Variants in INTS1 observed in about 807,000 individuals in gnomAD.
INTS1 encodes integrator complex subunit 1.
Under a neutral mutation model 241.6 loss-of-function variants are expected in INTS1, and 137 were observed. The ratio of observed to expected loss-of-function variants is 0.57; its 90% confidence interval spans 0.49 to 0.65. The LOEUF is 0.65. INTS1 is among the 30% of genes least tolerant of loss of function. The pLI is 0.00. For synonymous variants in INTS1, 1,692 were observed against 1,337.8 expected (o/e 1.26, Z -5.78); for missense variants, 3,073 against 3,032.2 (o/e 1.01, Z -0.32).
At chr7:1,492,734 G>T (rs78340654) in intron 16 of INTS1, among the ~76,000 whole-genome samples, 1 of 151,802 alleles carries the variant, frequency 6.6e-6, no homozygotes, top group South Asian at 2.1e-4. Context: ...CCCAGGTAAC[G>T]GTTGGACTCG....
At chr7:1,483,675 T>C (rs771184780) in intron 26 of INTS1, 67 bp downstream of exon 26, 2 of 1,237,656 alleles carry the variant, frequency 1.6e-6, no homozygotes, top group Non-Finnish European at 2.4e-6. Context: ...CGGAAGCCGC[T>C]GGGTGTGGTC....
chr7:1,485,045 C>T, intron 24 of INTS1, 53 bp downstream of exon 24: 1 of 930,062 alleles, frequency 1.1e-6, no homozygotes, highest in Non-Finnish European at 1.6e-6. Context: ...ACACTGCCGG[C>T]TGGCCCCGTC....
At chr7:1,496,728 T>G (rs1782880137) in intron 11 of INTS1, among the ~76,000 whole-genome samples, 1 of 152,126 alleles carries the variant, frequency 6.6e-6, no homozygotes, top group African/African-American at 2.4e-5. Flanking sequence ...GCAGGCTGGC[T>G]GCGAGTTGGC....
intron 40 of INTS1, 46 bp downstream of exon 40, chr7:1,474,659 C>G (rs774269790): frequency 1.3e-6 from 2 of 1,528,536 alleles, no homozygotes; most frequent in Admixed American, 2.0e-5. Flanking sequence ...GCAGACCCCC[C>G]TGGTTAAACC....
rs1420805929 is a variant in INTS1, at chr7:1,497,429, C to T, written c.1426-115G>A. 7 of 1,132,910 alleles carry T rather than the reference C, an allele frequency of 6.2e-6. No individual in the cohort carries two copies. Among genetic ancestry groups the T allele is most frequent in the East Asian group, 2.6e-5 (1 of 38,406 alleles). The allele number at this position is 1,132,910 out of a possible 1,614,324, so 70.2% of individuals were successfully genotyped here. A position where few individuals can be genotyped will look rare whatever the true frequency, so the allele number is the denominator to read the frequency against. On this transcript the variant is annotated intron_variant, in intron 10 of 47. Coordinates refer to ENST00000404767, the MANE Select transcript of INTS1 (RefSeq NM_001080453.3). The surrounding 1 kb of genome is among the most constrained non-coding windows in gnomAD (Gnocchi z 5.3). ...CGAGGGCGCTGCAGTGGGTCTCAGACAGTGTGGGGTGCGGGGTGGCGGGCT... is the reference window on the plus strand; with the variant it reads ...CGAGGGCGCTGCAGTGGGTCTCAGATAGTGTGGGGTGCGGGGTGGCGGGCT...
At chr7:1,488,133 G>C (rs1782367353) in intron 18 of INTS1, among the ~76,000 whole-genome samples, 176 bp from the exon 19 acceptor site, 1 of 152,184 alleles carries the variant, frequency 6.6e-6, no homozygotes, top group South Asian at 2.1e-4. Context: ...GCTGAGACGA[G>C]AAGCCGCAGC....
Position 1,472,259 on chromosome 7 carries a change from A to G in INTS1, c.6184+14T>C, listed in dbSNP as rs1476052294. On this transcript the variant is annotated intron_variant, in intron 44 of 47. Transcript: ENST00000404767. ...GGCGCTGACCTGGCGTGGGTGAAGC[A>G]GGGCCTGACTCACCCTCCACCGTTT... 7.2e-6 allele frequency: 11 copies of G among 1,538,054 alleles called. No individual in the cohort carries two copies. The highest frequency in any genetic ancestry group is 7.0e-6 in the Non-Finnish European group (8 of 1,135,876).
chr7:1,471,523 C>T, intron 45 of INTS1, 48 bp downstream of exon 45: 5 of 1,593,366 alleles, frequency 3.1e-6, no homozygotes, highest in Non-Finnish European at 4.3e-6. Flanking sequence ...CTGGGGTTCC[C>T]CAAGGGAGTG....
At chr7:1,486,800 G>C (rs768083518) in intron 21 of INTS1, 26 bp from the exon 22 acceptor site, 1 of 1,609,912 alleles carries the variant, frequency 6.2e-7, no homozygotes, top group South Asian at 1.1e-5. Flanking sequence ...GGCTCTCAGG[G>C]GTGCAGGTGA....
intron 14 of INTS1, 135 bp downstream of exon 14, chr7:1,494,678 TGGA>T (rs1782757818): frequency 2.5e-6 from 2 of 807,496 alleles, no homozygotes; most frequent in Non-Finnish European, 4.0e-6. Context: ...CCCAGGATTG[TGGA>T]GGAGGAGCAG....
intron 26 of INTS1, chr7:1,483,509 T>A (rs1782095181): frequency 3.4e-6 from 2 of 590,964 alleles, no homozygotes; most frequent in South Asian, 3.7e-5. Flanking sequence ...CTCAGGGCTC[T>A]ACAGGCTGGG....
intron 1 of INTS1, 39 bp downstream of exon 1, chr7:1,504,283 GC>G (rs1783356969): frequency 1.8e-6 from 1 of 565,878 alleles, no homozygotes; most frequent in African/African-American, 2.0e-5. Flanking sequence ...CCAGGCGCTC[GC>G]CCGGCAATGA....
At chr7:1,495,068 G>A (rs989876343) in intron 13 of INTS1, among the ~76,000 whole-genome samples, 175 bp from the exon 14 acceptor site, 2 of 152,072 alleles carry the variant, frequency 1.3e-5, no homozygotes, top group South Asian at 2.1e-4. Context: ...GACCACTCAC[G>A]GGGCTGCCAG....
At chr7:1,492,105 G>A (rs865904275) in intron 16 of INTS1, among the ~76,000 whole-genome samples, 1 of 152,138 alleles carries the variant, frequency 6.6e-6, no homozygotes, top group South Asian at 2.1e-4. Flanking sequence ...AGTTAAACAC[G>A]TGGCCCAGCA....
At position 1,477,858 on chromosome 7, in the gene INTS1, G is replaced by A; in HGVS notation, c.4709C>T (p.Ala1570Val). The change falls in exon 34 of 48, where the codon GCT becomes GTT. Residue 1570 changes from alanine (A) to valine (V), a missense_variant. Physicochemically the swap from Ala to Val is moderately conservative, Grantham distance 64 (BLOSUM62 0). Coordinates refer to ENST00000404767, the MANE Select transcript of INTS1 (RefSeq NM_001080453.3). The stretch of plus-strand genomic sequence containing the variant: ...CTTACAGGCTGGAAACGGGGAGGCA[G>A]CATCCGCAGTGGCAGAGAAGAATGC... ...LTAFFSATAD[A>V]ASPFPACKPV... 6.2e-7 allele frequency: 1 copy of A among 1,612,624 alleles called. No homozygotes were observed. The highest frequency in any genetic ancestry group is 8.5e-7 in the Non-Finnish European group (1 of 1,179,846).
At chr7:1,479,310 C>A in intron 31 of INTS1, 120 bp downstream of exon 31, 1 of 1,215,654 alleles carries the variant, frequency 8.2e-7, no homozygotes. Context: ...ACTGTCCTTT[C>A]TCACTTGGAA....
chr7:1,499,931 T>C lies in INTS1; in HGVS notation c.637A>G (p.Met213Val), dbSNP rs375935626. ...LVSVLACNLL[M>V]AAYEEDENWP... The stretch of plus-strand genomic sequence containing the variant: ...TTCTCGTCCTCCTCGTAGGCGGCCA[T>C]GAGGAGGTTACAGGCCAGCACAGAC... The change falls in exon 5 of 48, where the codon ATG becomes GTG. Residue 213 changes from methionine (M) to valine (V), a missense_variant. Coordinates refer to ENST00000404767, the MANE Select transcript of INTS1 (RefSeq NM_001080453.3). 47 of 1,613,296 alleles carry C rather than the reference T, an allele frequency of 2.9e-5. No homozygotes were observed. The highest frequency in any genetic ancestry group is 1.3e-4 in the Admixed American group (8 of 59,986).
At chr7:1,502,583 G>A (rs978153072) in intron 3 of INTS1, among the ~76,000 whole-genome samples, 15 of 152,132 alleles carry the variant, frequency 9.9e-5, no homozygotes, top group African/African-American at 2.7e-4. Context: ...CTGGGGTGTC[G>A]TCACGCCCGG....
intron 6 of INTS1, 34 bp from the exon 7 acceptor site, chr7:1,499,394 T>TGCCCCCC: frequency 2.1e-6 from 3 of 1,400,240 alleles, no homozygotes; most frequent in Admixed American, 2.0e-5. Flanking sequence ...ATGCAGCGCC[T>TGCCCCCC]CCCACCCGCC....
Sources: gnomAD v4.1 joint callset for allele counts (sites outside exome capture counted in the v4.1 genomes callset) on GRCh38, gnomAD v4.1.1 for gene constraint, Gnocchi (gnomAD v3.1) non-coding constraint, MANE v1.5 for transcripts, NCBI Gene and HGNC (gene_info 2026-07-23, HGNC 2026-07-21) for gene names.